The following PGGT1B variants were observed in gnomAD, a reference collection of about 807,000 sequenced individuals.
The protein encoded by PGGT1B is protein geranylgeranyltransferase type I subunit beta.
In PGGT1B, 30 loss-of-function variants were observed where a neutral mutation model predicts 46.1. That is an observed-to-expected ratio of 0.65 (90% confidence interval 0.49 to 0.88). The LOEUF is 0.88. Ranked by LOEUF, PGGT1B falls within the 40% of genes least tolerant of loss-of-function variation. The probability of loss-of-function intolerance (pLI) is 0.00; values close to 1 mark genes in which losing one functional copy is unlikely to be tolerated. For synonymous variants in PGGT1B, 170 were observed against 160.0 expected, an observed-to-expected ratio of 1.06 and a Z score of -0.47; for missense variants, 376 against 455.9, an observed-to-expected ratio of 0.82 and a Z score of 1.60.
chr5:115,249,383 G>A (rs939662918), intron 2 of PGGT1B, among the ~76,000 whole-genome samples: 2 of 152,164 alleles, frequency 1.3e-5, no homozygotes, highest in Admixed American at 6.5e-5. Flanking sequence ...GCAATGGTGA[G>A]CACACACTTG....
At chr5:115,227,838 T>C (rs1378752200) in intron 6 of PGGT1B, among the ~76,000 whole-genome samples, 1 of 152,208 alleles carries the variant, frequency 6.6e-6, no homozygotes, top group Non-Finnish European at 1.5e-5. Context: ...TCAATGAGAC[T>C]GTATGTAAAG....
chr5:115,226,160 C>T (rs1001415414), intron 6 of PGGT1B, among the ~76,000 whole-genome samples: 6 of 152,028 alleles, frequency 3.9e-5, no homozygotes, highest in African/African-American at 1.4e-4. Flanking sequence ...ACAAAAGGAA[C>T]ATTTTACCCT....
intron 1 of PGGT1B, among the ~76,000 whole-genome samples, chr5:115,258,703 C>A (rs1034041065): frequency 1.3e-5 from 2 of 152,218 alleles, no homozygotes; most frequent in African/African-American, 2.4e-5. Context: ...TTCCAAGAAG[C>A]CTTCTCTAGT....
intron 7 of PGGT1B, among the ~76,000 whole-genome samples, chr5:115,219,530 T>C (rs1003694855): frequency 2.6e-5 from 4 of 151,834 alleles, no homozygotes; most frequent in Non-Finnish European, 5.9e-5. Flanking sequence ...TTTACGACCG[T>C]GGATTCAGCA....
chr5:115,251,506 C>T (rs982622002), intron 2 of PGGT1B, among the ~76,000 whole-genome samples: 1 of 151,780 alleles, frequency 6.6e-6, no homozygotes, highest in Non-Finnish European at 1.5e-5. Flanking sequence ...TACGGAGCCA[C>T]CAAATAATCC....
chr5:115,225,607 C>T (rs1016896721), intron 6 of PGGT1B, among the ~76,000 whole-genome samples: 2 of 151,554 alleles, frequency 1.3e-5, no homozygotes, highest in African/African-American at 4.8e-5. Context: ...TAAATAAGTA[C>T]ATCATTTTAC....
intron 6 of PGGT1B, among the ~76,000 whole-genome samples, chr5:115,223,471 G>A (rs1476564573): frequency 6.6e-6 from 1 of 152,144 alleles, no homozygotes; most frequent in African/African-American, 2.4e-5. Context: ...TGGTGCCAGA[G>A]ATTTGAGTGT....
intron 2 of PGGT1B, among the ~76,000 whole-genome samples, chr5:115,243,838 A>T (rs1266565452): frequency 1.3e-5 from 2 of 151,794 alleles, no homozygotes; most frequent in East Asian, 3.9e-4. Context: ...TTGCTCCTAG[A>T]TCCTCTCTTG....
chr5:115,225,585 T>A (rs1756749565), intron 6 of PGGT1B, among the ~76,000 whole-genome samples: 1 of 151,894 alleles, frequency 6.6e-6, no homozygotes, highest in South Asian at 2.1e-4. Flanking sequence ...GAAAACTAAA[T>A]AAATAGGTAC....
At chr5:115,222,155 C>G in intron 6 of PGGT1B, 147 bp from the exon 7 acceptor site, 1 of 472,646 alleles carries the variant, frequency 2.1e-6, no homozygotes, top group South Asian at 5.1e-5. Flanking sequence ...TTTAAAATAA[C>G]CACTAAACAC....
chr5:115,262,642 C>G (rs1748614402), intron 1 of PGGT1B, 70 bp downstream of exon 1: 1 of 1,521,384 alleles, frequency 6.6e-7, no homozygotes, highest in Admixed American at 2.0e-5. Context: ...AGTTTGCGGT[C>G]CGACTCCGCC....
chr5:115,232,394 G>C (rs991169109), intron 5 of PGGT1B, among the ~76,000 whole-genome samples: 4 of 151,996 alleles, frequency 2.6e-5, no homozygotes, highest in African/African-American at 9.7e-5. Context: ...AACGTTGGAA[G>C]CTGATAGAAA....
At chr5:115,244,309 C>A (rs1747706266) in intron 2 of PGGT1B, among the ~76,000 whole-genome samples, 1 of 151,158 alleles carries the variant, frequency 6.6e-6, no homozygotes, top group Non-Finnish European at 1.5e-5. Flanking sequence ...ACTAAAAATA[C>A]AAAAAATTAG....
chr5:115,224,885 C>A (rs1367789938), intron 6 of PGGT1B, among the ~76,000 whole-genome samples: 5 of 145,796 alleles, frequency 3.4e-5, no homozygotes, highest in African/African-American at 5.1e-5. Flanking sequence ...TAAAGGCAGA[C>A]ATAAAAACAG....
chr5:115,256,949 G>C (rs887729070), intron 1 of PGGT1B, among the ~76,000 whole-genome samples: 1 of 152,110 alleles, frequency 6.6e-6, no homozygotes, highest in East Asian at 1.9e-4. Context: ...TGTTTATTCT[G>C]TTTCTTCTTT....
rs1756169444 is a variant in PGGT1B, at chr5:115,209,791, A to G, written c.*2611T>C. ...ATTTGAAATTTGCTGTATTCCAGGT[A>G]CTATCCTAAGTGCTTTATCTGTATT... is the stretch of plus-strand genomic sequence containing the variant. On this transcript the variant is annotated 3_prime_UTR_variant, in exon 9 of 9. Coordinates refer to ENST00000419445, the MANE Select transcript of PGGT1B (RefSeq NM_005023.4). The G allele has an allele frequency of 6.6e-6, 1 of 152,150 alleles. No individual in the cohort carries two copies. Among genetic ancestry groups the G allele is most frequent in the African/African-American group, 2.4e-5 (1 of 41,448 alleles). 9.4% of individuals were successfully genotyped at this position (152,150 alleles called of 1,614,324 possible).
intron 1 of PGGT1B, chr5:115,262,457 CAG>C (rs1748602313): frequency 2.0e-6 from 1 of 505,702 alleles, no homozygotes; most frequent in Non-Finnish European, 3.5e-6. Context: ...AAAAGCAGCT[CAG>C]AGTTGCCAGA....
At chr5:115,251,832 A>T (rs543802520) in intron 2 of PGGT1B, among the ~76,000 whole-genome samples, 2 of 142,418 alleles carry the variant, frequency 1.4e-5, no homozygotes, top group African/African-American at 4.9e-5. Context: ...ACTTATAATT[A>T]AAAAAAAATA....
intron 5 of PGGT1B, 42 bp downstream of exon 5, chr5:115,236,348 G>C (rs769049869): frequency 6.5e-7 from 1 of 1,533,726 alleles, no homozygotes; most frequent in Non-Finnish European, 8.8e-7. Context: ...TCATGTACCA[G>C]CAAAAACAAC....
Sources: allele counts gnomAD v4.1 joint callset (sites outside exome capture counted in the v4.1 genomes callset), GRCh38; gene constraint gnomAD v4.1.1; transcripts MANE v1.5; gene names NCBI Gene and HGNC (gene_info 2026-07-23, HGNC 2026-07-21).